NTM: variants seen among roughly 807,000 people sequenced by gnomAD.
NTM encodes the protein neurotrimin.
Under a neutral mutation model 42.1 loss-of-function variants are expected in NTM, and 13 were observed. The ratio of observed to expected loss-of-function variants is 0.31; its 90% confidence interval spans 0.20 to 0.49. The LOEUF (loss-of-function observed/expected upper bound fraction) is 0.49. Ranked by LOEUF, NTM falls within the 20% of genes least tolerant of loss-of-function variation. The probability of loss-of-function intolerance (pLI) is 0.99; values close to 1 mark genes in which losing one functional copy is unlikely to be tolerated. For synonymous variants in NTM, 187 were observed against 179.2 expected (o/e 1.04, Z -0.35); for missense variants, 373 against 452.8 (o/e 0.82, Z 1.60).
At chr11:131,845,998 T>G (rs2044857028) in intron 1 of NTM, among the ~76,000 whole-genome samples, 1 of 152,222 alleles carries the variant, frequency 6.6e-6, no homozygotes, top group African/African-American at 2.4e-5. Flanking sequence ...CTTGTATTAT[T>G]GTTAGGACTC....
chr11:132,018,411 G>T (rs922176310), intron 2 of NTM, among the ~76,000 whole-genome samples: 7 of 152,068 alleles, frequency 4.6e-5, no homozygotes, highest in African/African-American at 1.4e-4. Flanking sequence ...TCTTGGTTGA[G>T]AAATTTTTAT....
intron 1 of NTM, among the ~76,000 whole-genome samples, chr11:131,531,793 T>C (rs1272616306): frequency 6.6e-6 from 1 of 152,116 alleles, no homozygotes; most frequent in Non-Finnish European, 1.5e-5. Flanking sequence ...ATGGGAACAT[T>C]AAGTCTTCTG....
At chr11:131,455,502 A>AGGAG (rs1950809808) in intron 1 of NTM, 1 of 152,238 alleles carries the variant, frequency 6.6e-6, no homozygotes, top group Non-Finnish European at 1.5e-5. Context: ...TGTTACATAG[A>AGGAG]AGACAATGGG....
At chr11:131,534,898 A>C (rs896464991) in intron 1 of NTM, 3 of 152,240 alleles carry the variant, frequency 2.0e-5, no homozygotes, top group Non-Finnish European at 2.9e-5. Context: ...CTGCACAATC[A>C]TGCAGCACAA....
chr11:132,169,035 CATT>C (rs2075717538), intron 3 of NTM, among the ~76,000 whole-genome samples: 1 of 119,900 alleles, frequency 8.3e-6, no homozygotes. Flanking sequence ...TTATCAAACT[CATT>C]ATCCATCCAC....
intron 1 of NTM, among the ~76,000 whole-genome samples, chr11:131,734,774 GC>G (rs1565482328): frequency 1.3e-5 from 2 of 152,206 alleles, no homozygotes; most frequent in Non-Finnish European, 2.9e-5. Context: ...TACCAACAGT[GC>G]AATATCCCCC....
intron 4 of NTM, among the ~76,000 whole-genome samples, chr11:132,223,796 A>T (rs916257662): frequency 3.3e-5 from 5 of 152,340 alleles, no homozygotes; most frequent in African/African-American, 1.2e-4. Flanking sequence ...TTAATTAGTG[A>T]TTTCAAAGAA....
chr11:132,162,006 C>A (rs369447403), intron 3 of NTM, among the ~76,000 whole-genome samples: 1 of 152,216 alleles, frequency 6.6e-6, no homozygotes, highest in Non-Finnish European at 1.5e-5. Context: ...TCTCTCCGTG[C>A]GCAGTGCAGG....
At position 131,901,739 on chromosome 11, in the gene NTM, C is replaced by T. The variant is rs77111805; in HGVS notation, c.83-9825C>T. Among the ~76,000 whole-genome samples the T allele has an allele frequency of 8.3e-3, 1,260 of 152,242 alleles. 20 individuals carry two copies. Among genetic ancestry groups the T allele is most frequent in the African/African-American group, 0.029 (1,200 of 41,556 alleles). On this transcript the variant is annotated intron_variant, in intron 1 of 8. Transcript: ENST00000683400. ...CACCTTGTCAAAACTGTTGTGAAAG[C>T]CAGGGTAGATTATTTCATGTGTTGT...
At chr11:131,998,531 C>G (rs907220984) in intron 2 of NTM, among the ~76,000 whole-genome samples, 1 of 152,154 alleles carries the variant, frequency 6.6e-6, no homozygotes, top group Non-Finnish European at 1.5e-5. Context: ...TGCATTTTAC[C>G]ACGTAGCTGG....
intron 1 of NTM, among the ~76,000 whole-genome samples, chr11:131,642,076 AGAG>A (rs2134236803): frequency 6.6e-6 from 1 of 152,338 alleles, no homozygotes; most frequent in African/African-American, 2.4e-5. Context: ...TCTTTAGTGA[AGAG>A]GAGAACAAAA....
intron 1 of NTM, among the ~76,000 whole-genome samples, chr11:131,452,732 T>C (rs1950573944): frequency 6.6e-6 from 1 of 152,196 alleles, no homozygotes; most frequent in Non-Finnish European, 1.5e-5. Flanking sequence ...CCAGCTTCTC[T>C]GAGATTCCTG....
chr11:132,049,485 A>G (rs1018118699), intron 2 of NTM, among the ~76,000 whole-genome samples: 9 of 152,038 alleles, frequency 5.9e-5, no homozygotes, highest in African/African-American at 2.2e-4. Context: ...CCAGGAGGAA[A>G]CCCTTCTAGT....
At chr11:132,173,136 C>T (rs1400631399) in intron 3 of NTM, among the ~76,000 whole-genome samples, 1 of 152,172 alleles carries the variant, frequency 6.6e-6, no homozygotes, top group Non-Finnish European at 1.5e-5. Flanking sequence ...CCATGTCAAT[C>T]CAACTGTCTT....
rs76404689 is a variant in NTM, at chr11:132,113,647, A to T, written c.168-32635A>T. Among the ~76,000 whole-genome samples, 1,699 of 152,332 alleles carry T rather than the reference A, an allele frequency of 0.011. 82 individuals are homozygous for T. The East Asian group carries it at 0.11, about 10-fold the overall frequency. On this transcript the variant is annotated intron_variant, in intron 2 of 8. Coordinates refer to ENST00000683400, the MANE Select transcript of NTM (RefSeq NM_001352005.2). Reference sequence around the variant, plus strand: ...ACTCCCAGATGGTGTGCTCAGTGCCAGGCAGTTAACACAATCATTTCTTGG... The same window carrying T: ...ACTCCCAGATGGTGTGCTCAGTGCCTGGCAGTTAACACAATCATTTCTTGG...
At chr11:132,136,412 C>A (rs561291049) in intron 2 of NTM, among the ~76,000 whole-genome samples, 1 of 152,334 alleles carries the variant, frequency 6.6e-6, no homozygotes, top group South Asian at 2.1e-4. Flanking sequence ...CCAGGTGTCC[C>A]CTTTGTCCCT....
At chr11:132,269,712 G>A (rs1392537779) in intron 4 of NTM, among the ~76,000 whole-genome samples, 3 of 152,188 alleles carry the variant, frequency 2.0e-5, no homozygotes, top group African/African-American at 7.2e-5. Context: ...TGTGGCTGTT[G>A]AGGGTGAGAA....
chr11:131,428,947 T>C lies in NTM; in HGVS notation c.82+58059T>C, dbSNP rs961413882. Among the ~76,000 whole-genome samples the C allele has an allele frequency of 5.3e-5, 8 of 150,750 alleles. No homozygotes were observed. The South Asian group carries it at 1.1e-3, about 20-fold the overall frequency. ...GTGGTTACCTGTAATCCCAGCTACTTGGGAGCCTGAAGCAGGAGAATTGTT... is the reference window on the plus strand; with the variant it reads ...GTGGTTACCTGTAATCCCAGCTACTCGGGAGCCTGAAGCAGGAGAATTGTT... On this transcript the variant is annotated intron_variant, in intron 1 of 8. Coordinates refer to ENST00000683400, the MANE Select transcript of NTM (RefSeq NM_001352005.2).
intron 1 of NTM, among the ~76,000 whole-genome samples, chr11:131,505,271 A>G (rs975799496): frequency 1.3e-5 from 2 of 152,188 alleles, no homozygotes; most frequent in African/African-American, 2.4e-5. Context: ...CAAACAAGTA[A>G]TGCTAACAAC....
Sources: gnomAD v4.1 joint callset for allele counts (sites outside exome capture counted in the v4.1 genomes callset) on GRCh38, gnomAD v4.1.1 for gene constraint, MANE v1.5 for transcripts, NCBI Gene and HGNC (gene_info 2026-07-23, HGNC 2026-07-21) for gene names.